The following KATNIP variants were observed in gnomAD, a reference collection of about 807,000 sequenced individuals.
The protein encoded by KATNIP is katanin-interacting protein.
KATNIP carries 126 observed loss-of-function variants against 174.0 expected under a neutral mutation model. The observed-to-expected ratio is 0.72, with a 90% confidence interval of 0.63 to 0.84. The LOEUF (loss-of-function observed/expected upper bound fraction) is 0.84. Among genes scored for constraint, KATNIP ranks in the 40% least tolerant of loss-of-function variants. The pLI, the probability that KATNIP is intolerant of heterozygous loss-of-function variation, is 0.00. For missense variants in KATNIP, 1,958 were observed against 2,109.7 expected, an observed-to-expected ratio of 0.93 and a Z score of 1.41; for synonymous variants, 810 against 835.7, an observed-to-expected ratio of 0.97 and a Z score of 0.53.
At chr16:27,654,953 C>T (rs1028367702) in intron 6 of KATNIP, among the ~76,000 whole-genome samples, 1 of 151,490 alleles carries the variant, frequency 6.6e-6, no homozygotes, top group Non-Finnish European at 1.5e-5. Flanking sequence ...AACAGCAAGA[C>T]CTTGTCTCAA....
chr16:27,756,266 C>T lies in KATNIP; in HGVS notation c.3631+2015C>T, dbSNP rs115436579. 7.8e-3 allele frequency among the ~76,000 whole-genome samples: 1,186 copies of T among 152,368 alleles called. 15 individuals are homozygous for T. The highest frequency in any genetic ancestry group is 0.027 in the African/African-American group (1,123 of 41,586). ...TATTTGGAATTCTCATAGCCCCTTA[C>T]ATTCCAGGGCGCACTCTCAATTACT... On this transcript the variant is annotated intron_variant, in intron 18 of 27. Coordinates refer to ENST00000261588, the MANE Select transcript of KATNIP (RefSeq NM_015202.5).
chr16:27,667,772 A>C (rs2077735044), intron 6 of KATNIP, among the ~76,000 whole-genome samples: 1 of 152,200 alleles, frequency 6.6e-6, no homozygotes, highest in African/African-American at 2.4e-5. Flanking sequence ...ATTTTCTGTA[A>C]AAACTAGAAC....
chr16:27,619,874 G>A (rs1269701831), intron 3 of KATNIP, among the ~76,000 whole-genome samples: 1 of 152,148 alleles, frequency 6.6e-6, no homozygotes, highest in Non-Finnish European at 1.5e-5. Flanking sequence ...AAACTAGAAT[G>A]GCGAAGGCTT....
chr16:27,647,484 G>A (rs1409326153), intron 5 of KATNIP, among the ~76,000 whole-genome samples: 1 of 150,766 alleles, frequency 6.6e-6, no homozygotes, highest in Non-Finnish European at 1.5e-5. Flanking sequence ...TGGGACAACA[G>A]GCACACACCA....
chr16:27,691,668 G>A (rs1225965688), intron 8 of KATNIP, among the ~76,000 whole-genome samples: 1 of 152,266 alleles, frequency 6.6e-6, no homozygotes, highest in Non-Finnish European at 1.5e-5. Context: ...AGCTCTGGTA[G>A]TGGAGCTGCA....
intron 2 of KATNIP, 75 bp downstream of exon 2, chr16:27,574,031 A>C: frequency 7.7e-7 from 1 of 1,306,456 alleles, no homozygotes; most frequent in Non-Finnish European, 1.1e-6. Context: ...GGTGGCGAAT[A>C]AGTGTCCCTA....
chr16:27,736,804 G>A (rs1057151469), intron 14 of KATNIP, among the ~76,000 whole-genome samples: 1 of 152,142 alleles, frequency 6.6e-6, no homozygotes, highest in Non-Finnish European at 1.5e-5. Context: ...TGCAGGGTTT[G>A]GGGGAGACAG....
intron 13 of KATNIP, among the ~76,000 whole-genome samples, chr16:27,720,445 C>T (rs2080174813): frequency 6.6e-6 from 1 of 151,414 alleles, no homozygotes; most frequent in South Asian, 2.1e-4. Context: ...AGGCACACTC[C>T]ATGTGTGTGC....
intron 1 of KATNIP, among the ~76,000 whole-genome samples, chr16:27,570,916 G>C (rs1417173921): frequency 6.6e-6 from 1 of 152,204 alleles, no homozygotes; most frequent in Non-Finnish European, 1.5e-5. Flanking sequence ...AAGAGAAAAG[G>C]CTTCTGCAGT....
At chr16:27,603,811 A>G (rs2075615289) in intron 2 of KATNIP, among the ~76,000 whole-genome samples, 1 of 148,432 alleles carries the variant, frequency 6.7e-6, no homozygotes, top group Non-Finnish European at 1.5e-5. Flanking sequence ...ATCTCTGCTC[A>G]CTGCAACCTC....
chr16:27,692,796 A>G (rs1394805374), intron 8 of KATNIP, among the ~76,000 whole-genome samples: 1 of 152,192 alleles, frequency 6.6e-6, no homozygotes, highest in African/African-American at 2.4e-5. Flanking sequence ...TGAGGGCAGA[A>G]AGTGTGCCCG....
intron 2 of KATNIP, among the ~76,000 whole-genome samples, chr16:27,608,902 C>T (rs1329107569): frequency 2.6e-5 from 4 of 152,260 alleles, no homozygotes; most frequent in Admixed American, 2.0e-4. Context: ...CCCCTGCAAG[C>T]GCCACATCCT....
chr16:27,647,322 C>G (rs765822205), intron 5 of KATNIP, among the ~76,000 whole-genome samples: 1 of 151,926 alleles, frequency 6.6e-6, no homozygotes, highest in Non-Finnish European at 1.5e-5. Flanking sequence ...GTTTCCCAAA[C>G]AAGTCTAATC....
At chr16:27,572,809 C>G (rs1410081738) in intron 1 of KATNIP, among the ~76,000 whole-genome samples, 1 of 152,176 alleles carries the variant, frequency 6.6e-6, no homozygotes, top group Non-Finnish European at 1.5e-5. Context: ...ATGATCCATG[C>G]CCTCCTGTAA....
At chr16:27,564,913 G>A (rs977140337) in intron 1 of KATNIP, among the ~76,000 whole-genome samples, 4 of 151,878 alleles carry the variant, frequency 2.6e-5, no homozygotes, top group African/African-American at 4.8e-5. Flanking sequence ...AAAGGCATGC[G>A]CCACCACACC....
intron 6 of KATNIP, among the ~76,000 whole-genome samples, chr16:27,650,435 G>T (rs2077087639): frequency 6.6e-6 from 1 of 152,214 alleles, no homozygotes; most frequent in South Asian, 2.1e-4. Context: ...CATCTCCATA[G>T]TTATGTAGAA....
chr16:27,631,628 C>T (rs2076493183), intron 5 of KATNIP, among the ~76,000 whole-genome samples: 1 of 152,028 alleles, frequency 6.6e-6, no homozygotes, highest in Non-Finnish European at 1.5e-5. Context: ...TGGAACTGAC[C>T]TTTGGAGAGA....
intron 18 of KATNIP, among the ~76,000 whole-genome samples, chr16:27,756,009 G>C (rs1471944759): frequency 6.6e-6 from 1 of 152,206 alleles, no homozygotes; most frequent in African/African-American, 2.4e-5. Context: ...TGAGCTGCCA[G>C]CCGTCAGCAC....
intron 19 of KATNIP, among the ~76,000 whole-genome samples, chr16:27,763,523 G>A (rs2082022453): frequency 6.7e-6 from 1 of 148,632 alleles, no homozygotes; most frequent in African/African-American, 2.5e-5. Context: ...GCTGAGGTGG[G>A]AGGATCACTT....
Sources: allele counts gnomAD v4.1 joint callset (sites outside exome capture counted in the v4.1 genomes callset), GRCh38; gene constraint gnomAD v4.1.1; transcripts MANE v1.5; gene names NCBI Gene and HGNC (gene_info 2026-07-23, HGNC 2026-07-21).